Variants in SEMA3A observed in about 807,000 individuals in gnomAD.
SEMA3A encodes the protein semaphorin-3A.
In SEMA3A, 29 loss-of-function variants were observed where a neutral mutation model predicts 97.9. That is an observed-to-expected ratio of 0.30 (90% confidence interval 0.22 to 0.40). SEMA3A has a LOEUF of 0.40. SEMA3A is among the 10% of genes least tolerant of loss of function. The pLI is 1.00. For synonymous variants in SEMA3A, 321 were observed against 323.7 expected (o/e 0.99, Z 0.09); for missense variants, 763 against 951.3 (o/e 0.80, Z 2.60).
At chr7:84,032,133 T>A (rs914773391) in intron 6 of SEMA3A, among the ~76,000 whole-genome samples, 3 of 152,224 alleles carry the variant, frequency 2.0e-5, no homozygotes, top group Admixed American at 6.5e-5. Flanking sequence ...ATGCTAGGAG[T>A]TCAAGTGCTC....
intron 15 of SEMA3A, among the ~76,000 whole-genome samples, chr7:83,975,404 AAGAG>A (rs899878990): frequency 2.0e-5 from 3 of 152,134 alleles, no homozygotes; most frequent in Admixed American, 1.3e-4. Flanking sequence ...GATGTTTCCT[AAGAG>A]AGATCTTATT....
intron 3 of SEMA3A, among the ~76,000 whole-genome samples, chr7:84,119,159 A>T (rs1795523682): frequency 6.6e-6 from 1 of 152,208 alleles, no homozygotes. Flanking sequence ...TATCATTTCA[A>T]GCACAATACT....
chr7:84,403,902 A>G (rs1803984683), intron 1 of SEMA3A, among the ~76,000 whole-genome samples: 1 of 152,200 alleles, frequency 6.6e-6, no homozygotes, highest in South Asian at 2.1e-4. Context: ...GTAGGTCACC[A>G]TCATCAAAGA....
At chr7:84,091,191 AG>A (rs1794576733) in intron 4 of SEMA3A, among the ~76,000 whole-genome samples, 1 of 75,304 alleles carries the variant, frequency 1.3e-5, no homozygotes, top group African/African-American at 4.7e-5. Context: ...AAAGAAAGAA[AG>A]AAAGAAAGAA....
chr7:84,245,441 A>G (rs988695078), intron 3 of SEMA3A, among the ~76,000 whole-genome samples: 1 of 151,858 alleles, frequency 6.6e-6, no homozygotes. Context: ...CGGCTCCATC[A>G]GGTCATTTAT....
intron 1 of SEMA3A, among the ~76,000 whole-genome samples, chr7:84,414,311 G>A (rs1804365850): frequency 6.6e-6 from 1 of 150,392 alleles, no homozygotes. Context: ...ACATTTTAGA[G>A]TGAAAAATTT....
chr7:84,431,848 A>G (rs1412344447), intron 1 of SEMA3A, among the ~76,000 whole-genome samples: 2 of 152,004 alleles, frequency 1.3e-5, no homozygotes, highest in African/African-American at 2.4e-5. Flanking sequence ...GTAGAGGACT[A>G]TATGTAAAGA....
At position 84,048,275 on chromosome 7, in the gene SEMA3A, CTTTAT is replaced by C. The variant is rs1049349898; in HGVS notation, c.548-1837_548-1833del. On this transcript the variant is annotated intron_variant, in intron 5 of 16. Coordinates refer to ENST00000265362, the MANE Select transcript of SEMA3A (RefSeq NM_006080.3). ...CTGAATTGCTCTCACTAAAATATGC[CTTTAT>C]TTTTAGAAATAGCCCTTTTCTGAAA... Among the ~76,000 whole-genome samples, 141 of 151,892 alleles carry C rather than the reference CTTTAT, an allele frequency of 9.3e-4. 1 individual carries two copies. The highest frequency in any genetic ancestry group is 3.3e-3 in the African/African-American group (135 of 41,476).
intron 1 of SEMA3A, among the ~76,000 whole-genome samples, chr7:84,142,851 G>C (rs1223143183): frequency 6.6e-6 from 1 of 152,122 alleles, no homozygotes; most frequent in Non-Finnish European, 1.5e-5. Context: ...AAACATCTCA[G>C]AGTCCGCATG....
At position 84,396,060 on chromosome 7, in the gene SEMA3A, T is replaced by C. The variant is rs1313233704; in HGVS notation, c.-245-24160A>G. On this transcript the variant is annotated intron_variant, in intron 1 of 3. Coordinates refer to the SEMA3A transcript ENST00000424555. ...GATAATTCACAAATAGTTAAAAATA[T>C]CAAATACTGGTTATAAGACATAGAA... Among the ~76,000 whole-genome samples, 3 of 151,930 alleles carry C rather than the reference T, an allele frequency of 2.0e-5. No homozygotes were observed. The East Asian group carries it at 5.8e-4, about 29-fold the overall frequency.
At chr7:84,190,057 T>C (rs1284417902) in intron 1 of SEMA3A, among the ~76,000 whole-genome samples, 1 of 151,774 alleles carries the variant, frequency 6.6e-6, no homozygotes, top group Non-Finnish European at 1.5e-5. Flanking sequence ...TTTAAGTTGT[T>C]AGTGACTGAA....
chr7:84,291,964 A>G (rs2115788032), intron 3 of SEMA3A, among the ~76,000 whole-genome samples: 1 of 152,254 alleles, frequency 6.6e-6, no homozygotes, highest in African/African-American at 2.4e-5. Flanking sequence ...TTAGGTAGGC[A>G]TTGATCTCTG....
At chr7:83,978,984 T>G (rs1353928795) in intron 14 of SEMA3A, among the ~76,000 whole-genome samples, 1 of 152,198 alleles carries the variant, frequency 6.6e-6, no homozygotes, top group Non-Finnish European at 1.5e-5. Context: ...CATATAGGTT[T>G]TAACTTATAG....
chr7:84,342,409 T>C (rs1802192696), intron 2 of SEMA3A, among the ~76,000 whole-genome samples: 1 of 152,148 alleles, frequency 6.6e-6, no homozygotes, highest in Non-Finnish European at 1.5e-5. Context: ...ATCTACACGA[T>C]GAAGGCCATG....
intron 2 of SEMA3A, among the ~76,000 whole-genome samples, chr7:84,326,267 T>C (rs1801773805): frequency 6.6e-6 from 1 of 152,170 alleles, no homozygotes; most frequent in African/African-American, 2.4e-5. Context: ...GCATTCATAG[T>C]GATAATCACT....
intron 1 of SEMA3A, among the ~76,000 whole-genome samples, chr7:84,153,807 C>A (rs1584048195): frequency 6.6e-6 from 1 of 152,038 alleles, no homozygotes; most frequent in Non-Finnish European, 1.5e-5. Context: ...GATATAAAAT[C>A]TTGAATAGTT....
At chr7:84,295,676 A>G (rs551092601) in intron 3 of SEMA3A, among the ~76,000 whole-genome samples, 1 of 152,192 alleles carries the variant, frequency 6.6e-6, no homozygotes, top group South Asian at 2.1e-4. Flanking sequence ...AGCAACTAAT[A>G]AGTTAACAAA....
At chr7:84,256,952 T>C (rs192706547) in intron 3 of SEMA3A, among the ~76,000 whole-genome samples, 64 of 152,172 alleles carry the variant, frequency 4.2e-4, no homozygotes, top group African/African-American at 1.5e-3. Flanking sequence ...TAATATATTA[T>C]ATTGTTGCTC....
At chr7:84,284,332 C>T (rs183086551) in intron 3 of SEMA3A, among the ~76,000 whole-genome samples, 191 of 152,186 alleles carry the variant, frequency 1.3e-3, no homozygotes, top group South Asian at 3.5e-3. Flanking sequence ...TCAAAGGATT[C>T]GATTATCATT....
Sources: allele counts gnomAD v4.1 joint callset (sites outside exome capture counted in the v4.1 genomes callset), GRCh38; gene constraint gnomAD v4.1.1; transcripts MANE v1.5; gene names NCBI Gene and HGNC (gene_info 2026-07-23, HGNC 2026-07-21).